The following PARG variants were observed in gnomAD, a reference collection of about 807,000 sequenced individuals.
PARG encodes the protein poly(ADP-ribose) glycohydrolase.
Under a neutral mutation model 113.0 loss-of-function variants are expected in PARG, and 35 were observed. The observed-to-expected ratio is 0.31, with a 90% CI of 0.24 to 0.41. The LOEUF (loss-of-function observed/expected upper bound fraction) is 0.41. Among genes scored for constraint, PARG ranks in the 10% least tolerant of loss-of-function variants. The pLI, the probability that PARG is intolerant of heterozygous loss-of-function variation, is 1.00. For missense variants in PARG, 797 were observed against 1,169.4 expected (o/e 0.68, Z 4.64); for synonymous variants, 330 against 409.9 (o/e 0.81, Z 2.36).
chr10:49,915,647 T>A (rs555981506), intron 7 of PARG, among the ~76,000 whole-genome samples: 328 of 152,208 alleles, frequency 2.2e-3, no homozygotes, highest in African/African-American at 7.6e-3. Flanking sequence ...ACCATTATAT[T>A]CTCAAAATCT....
intron 13 of PARG, among the ~76,000 whole-genome samples, chr10:49,856,182 A>C (rs1208039224): frequency 1.4e-5 from 2 of 147,172 alleles, no homozygotes; most frequent in African/African-American, 4.9e-5. Context: ...CAAGATAATC[A>C]GACTTTTTTT....
rs1384828659 is a variant in PARG, at chr10:49,929,507, TA to T, written c.1455+2592del. ...CTAAGAAATTTGACATAAAGTCATT[TA>T]AAGTCACACCAAAGCTATTTTTAGA... On this transcript the variant is annotated intron_variant, in intron 4 of 17. Coordinates refer to ENST00000616448, the MANE Select transcript of PARG (RefSeq NM_003631.5). 2.6e-5 allele frequency among the ~76,000 whole-genome samples: 4 copies of T among 152,410 alleles called. No homozygotes were observed. In the East Asian group the frequency reaches 7.7e-4, roughly 29 times the overall value.
At chr10:49,912,814 A>C (rs1461711745) in intron 7 of PARG, among the ~76,000 whole-genome samples, 1 of 152,122 alleles carries the variant, frequency 6.6e-6, no homozygotes, top group East Asian at 1.9e-4. Context: ...AAAAAATACA[A>C]AAAACTAGCC....
At chr10:49,842,561 G>A (rs1332365265) in intron 14 of PARG, among the ~76,000 whole-genome samples, 2 of 152,198 alleles carry the variant, frequency 1.3e-5, no homozygotes, top group East Asian at 1.9e-4. Context: ...TCTACCTACT[G>A]TGCTCAATTG....
intron 1 of PARG, among the ~76,000 whole-genome samples, chr10:49,940,144 C>T (rs1838955819): frequency 6.6e-6 from 1 of 151,952 alleles, no homozygotes; most frequent in Non-Finnish European, 1.5e-5. Flanking sequence ...AGAAATATTT[C>T]TTCTCAAGTA....
chr10:49,842,133 T>C, intron 14 of PARG, 75 bp from the exon 15 acceptor site: 2 of 971,222 alleles, frequency 2.1e-6, no homozygotes, highest in Non-Finnish European at 1.6e-6. Context: ...AGGGGTCAGG[T>C]TGCCAAGACT....
At chr10:49,869,297 G>A (rs1376831235) in intron 10 of PARG, among the ~76,000 whole-genome samples, 179 bp downstream of exon 10, 13 of 152,284 alleles carry the variant, frequency 8.5e-5, no homozygotes, top group Admixed American at 4.6e-4. Context: ...TTTAGCACAC[G>A]TTTATGCTTA....
chr10:49,842,126 G>C (rs1845273700), intron 14 of PARG, 68 bp from the exon 15 acceptor site: 1 of 1,093,192 alleles, frequency 9.1e-7, no homozygotes, highest in Non-Finnish European at 1.4e-6. Context: ...TCCTCTCAGG[G>C]GTCAGGTTGC....
chr10:49,915,250 AT>A (rs1164848894), intron 7 of PARG, among the ~76,000 whole-genome samples: 1 of 151,790 alleles, frequency 6.6e-6, no homozygotes, highest in African/African-American at 2.4e-5. Flanking sequence ...AGGAACCTGC[AT>A]CTAAAATATA....
rs74738598 is a variant in PARG, at chr10:49,842,146, A to G, written c.2433-88T>C. 3.5e-5 allele frequency: 30 copies of G among 852,800 alleles called. No individual in the cohort carries two copies. In the African/African-American group the frequency reaches 3.9e-4, roughly 11 times the overall value. The allele number at this position is 852,800 out of a possible 1,614,324, so 52.8% of individuals were successfully genotyped here. A position where few individuals can be genotyped will look rare whatever the true frequency, so the allele number is the denominator to read the frequency against. On this transcript the variant is annotated intron_variant, in intron 14 of 17. Transcript: ENST00000616448. ...TCAGGGGTCAGGTTGCCAAGACTTT[A>G]GCTCTGTTAAAATATTAAAAACAAA... is the stretch of plus-strand genomic sequence containing the variant.
At chr10:49,885,029 C>G (rs559604013) in intron 8 of PARG, among the ~76,000 whole-genome samples, 174 bp downstream of exon 8, 78 of 151,312 alleles carry the variant, frequency 5.2e-4, no homozygotes, top group African/African-American at 1.6e-3. Context: ...AATTACTATA[C>G]TCTTTGGCAA....
rs536669672 is a variant in PARG at position 49,840,605 on chromosome 10, C to T, written c.2541+1345G>A. ...CAACTTTAAAAAATAGTGCATTATTCTTCAAACATTTTATAAAATTTGAGA... is the reference window on the plus strand; with the variant it reads ...CAACTTTAAAAAATAGTGCATTATTTTTCAAACATTTTATAAAATTTGAGA... On this transcript the variant is annotated intron_variant, in intron 15 of 17. Coordinates refer to ENST00000616448, the MANE Select transcript of PARG (RefSeq NM_003631.5). Among the ~76,000 whole-genome samples the T allele has an allele frequency of 2.0e-5, 3 of 152,156 alleles. No homozygotes were observed. In the South Asian group the frequency reaches 6.2e-4, roughly 32 times the overall value.
intron 8 of PARG, among the ~76,000 whole-genome samples, chr10:49,881,939 G>T (rs1847237105): frequency 6.6e-6 from 1 of 152,106 alleles, no homozygotes; most frequent in Non-Finnish European, 1.5e-5. Context: ...GTTTAGAAAA[G>T]GTGACAGTGC....
Position 49,839,951 on chromosome 10 carries a change from T to C in PARG, c.2541+1999A>G, listed in dbSNP as rs186284194. ...TATACGTGTTTAGGTAAGTAGCACC[T>C]CATGAAAATTTAAAGACAAGTCTTA... On this transcript the variant is annotated intron_variant, in intron 15 of 17. Transcript: ENST00000616448. Among the ~76,000 whole-genome samples, 5 of 152,320 alleles carry C rather than the reference T, an allele frequency of 3.3e-5. No homozygotes were observed. The East Asian group carries it at 9.6e-4, about 29-fold the overall frequency.
chr10:49,911,793 C>T (rs1360972546), intron 7 of PARG, among the ~76,000 whole-genome samples: 6 of 152,196 alleles, frequency 3.9e-5, no homozygotes, highest in Non-Finnish European at 5.9e-5. Context: ...TTCACAATGA[C>T]TGTTGACATG....
intron 6 of PARG, among the ~76,000 whole-genome samples, chr10:49,917,487 T>C (rs1400728021): frequency 4.4e-4 from 38 of 85,880 alleles, no homozygotes; most frequent in African/African-American, 1.7e-3. Context: ...AGACTCCGTC[T>C]CAAAAAAAAA....
intron 4 of PARG, among the ~76,000 whole-genome samples, chr10:49,928,034 G>T (rs1190028819): frequency 1.3e-5 from 2 of 152,010 alleles, no homozygotes; most frequent in African/African-American, 4.8e-5. Context: ...CACATTGGGG[G>T]GCCCAGGCGG....
At chr10:49,874,389 C>T (rs1846845864) in intron 9 of PARG, among the ~76,000 whole-genome samples, 1 of 152,076 alleles carries the variant, frequency 6.6e-6, no homozygotes, top group African/African-American at 2.4e-5. Context: ...AAAAATGGCC[C>T]AGCCTTGATT....
chr10:49,853,034 A>T (rs1476671691), intron 13 of PARG, among the ~76,000 whole-genome samples: 9 of 133,812 alleles, frequency 6.7e-5, no homozygotes, highest in African/African-American at 1.1e-4. Context: ...TAAAAAAAAA[A>T]TTTTTTTTTT....
Sources: allele counts gnomAD v4.1 joint callset (sites outside exome capture counted in the v4.1 genomes callset), GRCh38; gene constraint gnomAD v4.1.1; transcripts MANE v1.5; gene names NCBI Gene and HGNC (gene_info 2026-07-23, HGNC 2026-07-21).